Variants in POC1B observed in about 807,000 individuals in gnomAD.
POC1B encodes the protein POC1 centriolar protein homolog B.
Under a neutral mutation model 60.6 loss-of-function variants are expected in POC1B, and 44 were observed. That is an observed-to-expected ratio of 0.73 (90% confidence interval 0.57 to 0.93). The LOEUF (loss-of-function observed/expected upper bound fraction) is 0.93. POC1B is among the 40% of genes least tolerant of loss of function. The pLI is 0.00. For missense variants in POC1B, 555 were observed against 572.3 expected, an observed-to-expected ratio of 0.97 and a Z score of 0.31; for synonymous variants, 180 against 198.9, an observed-to-expected ratio of 0.90 and a Z score of 0.80.
intron 1 of POC1B, 142 bp from the exon 2 acceptor site, chr12:89,525,346 G>A (rs1592657548): frequency 4.1e-5 from 59 of 1,434,594 alleles, no homozygotes; most frequent in South Asian, 3.3e-4. Context: ...GGGCCGGGCA[G>A]CAGCCCACCC....
chr12:89,523,701 T>C lies in POC1B; in HGVS notation c.100+1419A>G, dbSNP rs774383343. The C allele has an allele frequency of 1.9e-6, 3 of 1,544,010 alleles. No homozygotes were observed. The Admixed American group carries it at 6.5e-5, about 34-fold the overall frequency. ...GTTTGGGGACAGAATGCCACTGAAA[T>C]GTTAAACGCCAGTCAAACCCACCAA... On this transcript the variant is annotated intron_variant, in intron 2 of 11. Transcript: ENST00000313546.
intron 4 of POC1B, among the ~76,000 whole-genome samples, chr12:89,476,371 C>T (rs1372399037): frequency 6.6e-6 from 1 of 151,900 alleles, no homozygotes; most frequent in East Asian, 1.9e-4. Flanking sequence ...GTTACTTGTT[C>T]ATTACAGAAC....
At chr12:89,414,100 C>T in the POC1B span, among the ~76,000 whole-genome samples, 1 of 152,066 alleles carries the variant, frequency 6.6e-6, no homozygotes, top group African/African-American at 2.4e-5. Context: ...ACCATGTTGG[C>T]CATGCTGGTC....
intron 2 of POC1B, 82 bp downstream of exon 2, chr12:89,525,038 G>C: frequency 1.3e-6 from 2 of 1,582,324 alleles, no homozygotes; most frequent in Non-Finnish European, 1.7e-6. Context: ...GTTCTCCTAG[G>C]GACCCTGCCC....
intron 10 of POC1B, among the ~76,000 whole-genome samples, chr12:89,450,685 T>TA (rs1486895370): frequency 6.6e-6 from 1 of 152,214 alleles, no homozygotes; most frequent in Non-Finnish European, 1.5e-5. Context: ...TTTTGCTTAT[T>TA]AAGCTGTTTT....
In POC1B at chr12:89,524,021, T is replaced by A. The variant is rs377506540; in HGVS notation, c.100+1099A>T. On this transcript the variant is annotated intron_variant, in intron 2 of 11. Transcript: ENST00000313546. ...TGTGTCTTCAAATAAACTCTGTCACTCAAGTCATCCACCAAGATGATCTCT... is the reference window on the plus strand; with the variant it reads ...TGTGTCTTCAAATAAACTCTGTCACACAAGTCATCCACCAAGATGATCTCT... 6.2e-6 allele frequency: 10 copies of A among 1,613,450 alleles called. No individual in the cohort carries two copies. In the African/African-American group the frequency reaches 1.2e-4, roughly 19 times the overall value.
chr12:89,421,593 T>TAC (rs1880535839), intron 11 of POC1B, among the ~76,000 whole-genome samples: 1 of 152,136 alleles, frequency 6.6e-6, no homozygotes, highest in African/African-American at 2.4e-5. Flanking sequence ...TGCCATAAGC[T>TAC]ACACACTTAG....
intron 2 of POC1B, among the ~76,000 whole-genome samples, chr12:89,507,268 A>C (rs1363350213): frequency 9.2e-5 from 9 of 97,918 alleles, no homozygotes; most frequent in Non-Finnish European, 2.2e-4. Flanking sequence ...CCCTGTCTCA[A>C]AAAAAAAAAA....
intron 10 of POC1B, among the ~76,000 whole-genome samples, chr12:89,446,081 G>A (rs987565138): frequency 1.2e-4 from 19 of 152,190 alleles, no homozygotes; most frequent in Admixed American, 6.5e-4. Flanking sequence ...TTAGAATGGC[G>A]ATCATTAAAA....
intron 10 of POC1B, among the ~76,000 whole-genome samples, chr12:89,443,509 T>C (rs1881625063): frequency 6.6e-6 from 1 of 151,792 alleles, no homozygotes; most frequent in Non-Finnish European, 1.5e-5. Context: ...GACTACTGGG[T>C]ACATAACGAA....
intron 2 of POC1B, chr12:89,502,456 G>A: frequency 8.2e-7 from 1 of 1,221,488 alleles, no homozygotes; most frequent in Non-Finnish European, 1.2e-6. Flanking sequence ...TAAAAGGAAG[G>A]CAAGAGAAAA....
At chr12:89,402,365 A>G in the POC1B span, among the ~76,000 whole-genome samples, 23 of 150,688 alleles carry the variant, frequency 1.5e-4, no homozygotes, top group Admixed American at 1.1e-3. Flanking sequence ...ACACACACAC[A>G]CACACCCCTT....
chr12:89,409,574 G>A, the POC1B span, among the ~76,000 whole-genome samples: 2 of 152,020 alleles, frequency 1.3e-5, no homozygotes, highest in Admixed American at 1.3e-4. Context: ...TAATAAAGAA[G>A]AAAAGAGAGA....
At chr12:89,525,538 C>A (rs571016413) in intron 1 of POC1B, 2 of 1,302,402 alleles carry the variant, frequency 1.5e-6, no homozygotes, top group African/African-American at 3.1e-5. Flanking sequence ...GAGGATGCGC[C>A]TCGGCTTTGG....
chr12:89,405,960 T>TA, the POC1B span, among the ~76,000 whole-genome samples: 91 of 140,476 alleles, frequency 6.5e-4, no homozygotes, highest in Admixed American at 7.9e-4. Context: ...TCCTATCCCT[T>TA]AAAAAAAAAA....
chr12:89,402,749 CT>C, the POC1B span, among the ~76,000 whole-genome samples: 1 of 151,922 alleles, frequency 6.6e-6, no homozygotes, highest in African/African-American at 2.4e-5. Flanking sequence ...TACATACTTT[CT>C]TTTTTTTGAG....
At chr12:89,478,617 A>G (rs1382285311) in intron 4 of POC1B, among the ~76,000 whole-genome samples, 1 of 152,254 alleles carries the variant, frequency 6.6e-6, no homozygotes, top group Non-Finnish European at 1.5e-5. Flanking sequence ...TATTATATAT[A>G]GCCAATGTAA....
chr12:89,425,601 C>T (rs761008283), intron 10 of POC1B: 6 of 393,122 alleles, frequency 1.5e-5, no homozygotes, highest in African/African-American at 6.2e-5. Context: ...ATTTCCTTGA[C>T]TTTCTTTTCA....
chr12:89,413,466 G>C, the POC1B span, among the ~76,000 whole-genome samples: 4 of 152,056 alleles, frequency 2.6e-5, no homozygotes, highest in African/African-American at 9.7e-5. Context: ...CAAAATGCTG[G>C]GATAATAGAT....
Sources: allele counts gnomAD v4.1 joint callset (sites outside exome capture counted in the v4.1 genomes callset), GRCh38; gene constraint gnomAD v4.1.1; transcripts MANE v1.5; gene names NCBI Gene and HGNC (gene_info 2026-07-23, HGNC 2026-07-21).